Variants in SBF2 observed in about 807,000 individuals in gnomAD.
SBF2 encodes the protein myotubularin-related protein 13.
In SBF2, 112 loss-of-function variants were observed where a neutral mutation model predicts 225.2. The observed-to-expected ratio is 0.50, with a 90% CI of 0.43 to 0.58. The LOEUF (loss-of-function observed/expected upper bound fraction) is 0.58, where lower values mean the gene tolerates loss of function less well. SBF2 is among the 20% of genes least tolerant of loss of function. The pLI, the probability that SBF2 is intolerant of heterozygous loss-of-function variation, is 0.00. For missense variants in SBF2, 1,996 were observed against 2,206.2 expected (o/e 0.90, Z 1.91); for synonymous variants, 763 against 773.3 (o/e 0.99, Z 0.22).
At chr11:9,807,336 C>T (rs1365200697) in intron 32 of SBF2, among the ~76,000 whole-genome samples, 2 of 152,208 alleles carry the variant, frequency 1.3e-5, no homozygotes, top group Admixed American at 1.3e-4. Context: ...CTCCCCTACC[C>T]TCACTGCATT....
At chr11:10,125,500 A>G (rs551231455) in intron 2 of SBF2, among the ~76,000 whole-genome samples, 1 of 152,256 alleles carries the variant, frequency 6.6e-6, no homozygotes, top group South Asian at 2.1e-4. Context: ...AGTCTATAAA[A>G]CTACATAGCC....
intron 2 of SBF2, among the ~76,000 whole-genome samples, chr11:10,108,515 CTTTTTTTTTTTT>C (rs34189666): frequency 1.3e-4 from 11 of 83,464 alleles, no homozygotes; most frequent in Admixed American, 4.9e-4. Flanking sequence ...TAATAGTTAA[CTTTTTTTTTTTT>C]TTTTTTTTTT....
At chr11:10,132,798 T>G (rs1565267122) in intron 2 of SBF2, among the ~76,000 whole-genome samples, 1 of 148,990 alleles carries the variant, frequency 6.7e-6, no homozygotes, top group Non-Finnish European at 1.5e-5. Context: ...TCCTGCTGAT[T>G]GGTAGGGCCG....
chr11:10,170,694 G>A (rs1956148637), intron 2 of SBF2, among the ~76,000 whole-genome samples: 1 of 151,832 alleles, frequency 6.6e-6, no homozygotes, highest in South Asian at 2.1e-4. Flanking sequence ...GAATGTTATT[G>A]ATATTTTGAC....
chr11:10,035,077 G>A (rs1221366884), intron 3 of SBF2, among the ~76,000 whole-genome samples: 1 of 152,106 alleles, frequency 6.6e-6, no homozygotes, highest in African/African-American at 2.4e-5. Flanking sequence ...CCATTCTCCT[G>A]CCTCAGCCTC....
At chr11:10,275,285 A>C (rs1214276205) in intron 1 of SBF2, among the ~76,000 whole-genome samples, 1 of 152,182 alleles carries the variant, frequency 6.6e-6, no homozygotes, top group Non-Finnish European at 1.5e-5. Context: ...ACTTTTCCCA[A>C]GGTGTTACCC....
At chr11:10,071,227 T>C (rs1443605123) in intron 2 of SBF2, among the ~76,000 whole-genome samples, 2 of 151,828 alleles carry the variant, frequency 1.3e-5, no homozygotes, top group Non-Finnish European at 2.9e-5. Context: ...GAGGGCATCC[T>C]TGTCTTGTGC....
intron 1 of SBF2, among the ~76,000 whole-genome samples, chr11:10,251,646 A>G (rs1203985955): frequency 6.6e-6 from 1 of 152,170 alleles, no homozygotes; most frequent in Non-Finnish European, 1.5e-5. Context: ...AGCACACTCC[A>G]AACTCCTGGC....
chr11:10,102,935 A>G (rs981095140), intron 2 of SBF2, among the ~76,000 whole-genome samples: 1 of 152,212 alleles, frequency 6.6e-6, no homozygotes, highest in African/African-American at 2.4e-5. Context: ...ATGCACTAAT[A>G]AAAACATAAA....
chr11:10,225,027 T>C lies in SBF2; in HGVS notation c.56-31040A>G, dbSNP rs190277876. 3.8e-3 allele frequency among the ~76,000 whole-genome samples: 580 copies of C among 152,282 alleles called. 4 individuals carry two copies. The highest frequency in any genetic ancestry group is 5.4e-3 in the South Asian group (26 of 4,828). On this transcript the variant is annotated intron_variant, in intron 1 of 39. Transcript: ENST00000256190. ...AAATAGTGTTTCATTTTAAATAGGT[T>C]TGCCATCTTGGAGATAGAGGGGTAT...
In SBF2 at chr11:9,873,281, T is replaced by C. The variant is rs191431640; in HGVS notation, c.1930-14885A>G. Among the ~76,000 whole-genome samples the C allele has an allele frequency of 2.6e-3, 389 of 150,754 alleles. 3 individuals are homozygous for C. The highest frequency in any genetic ancestry group is 9.1e-3 in the African/African-American group (371 of 40,980). Reference sequence around the variant, plus strand: ...TTTGTCACAAAGGTTTAAAGTGATATGGATTAGTACAGCATAAAAATATTG... The same window carrying C: ...TTTGTCACAAAGGTTTAAAGTGATACGGATTAGTACAGCATAAAAATATTG... On this transcript the variant is annotated intron_variant, in intron 17 of 39. Transcript: ENST00000256190.
intron 2 of SBF2, among the ~76,000 whole-genome samples, chr11:10,099,441 CT>C (rs1351497426): frequency 6.6e-6 from 1 of 152,114 alleles, no homozygotes; most frequent in Admixed American, 6.6e-5. Flanking sequence ...GTAAACCTGC[CT>C]TACAAGAAAT....
chr11:10,283,214 G>A (rs1963525585), intron 1 of SBF2, among the ~76,000 whole-genome samples: 1 of 152,054 alleles, frequency 6.6e-6, no homozygotes, highest in Non-Finnish European at 1.5e-5. Context: ...TTTGTATCTA[G>A]CCTAGCACTT....
chr11:10,094,043 A>G (rs1412586483), intron 2 of SBF2, among the ~76,000 whole-genome samples: 1 of 152,208 alleles, frequency 6.6e-6, no homozygotes, highest in Non-Finnish European at 1.5e-5. Flanking sequence ...AAATATATTA[A>G]CTTTTGGCCG....
chr11:10,020,691 T>G (rs764098430), intron 6 of SBF2, among the ~76,000 whole-genome samples: 9 of 152,148 alleles, frequency 5.9e-5, no homozygotes, highest in Non-Finnish European at 1.2e-4. Context: ...TCACTGCCAG[T>G]AACATTATCA....
chr11:10,199,508 TA>T (rs1957499617), intron 1 of SBF2, among the ~76,000 whole-genome samples: 3 of 147,226 alleles, frequency 2.0e-5, no homozygotes, highest in Non-Finnish European at 4.5e-5. Flanking sequence ...TTCAATTTGT[TA>T]AAACAAACAA....
intron 16 of SBF2, among the ~76,000 whole-genome samples, chr11:9,900,838 GCGA>G (rs1438539235): frequency 1.6e-4 from 25 of 152,152 alleles, no homozygotes; most frequent in Non-Finnish European, 2.9e-5. Flanking sequence ...CTGGGCTCAA[GCGA>G]TCCTCCTGCC....
At chr11:9,800,881 T>C (rs1262303758) in intron 32 of SBF2, among the ~76,000 whole-genome samples, 2 of 152,126 alleles carry the variant, frequency 1.3e-5, no homozygotes, top group Non-Finnish European at 2.9e-5. Flanking sequence ...TGTAGTGACG[T>C]CATCTTTCTC....
At chr11:9,818,948 C>T (rs1219848615) in intron 28 of SBF2, among the ~76,000 whole-genome samples, 2 of 151,978 alleles carry the variant, frequency 1.3e-5, no homozygotes, top group Non-Finnish European at 2.9e-5. Flanking sequence ...TCTTGAACTC[C>T]CGACCTCAGG....
Sources: gnomAD v4.1 joint callset for allele counts (sites outside exome capture counted in the v4.1 genomes callset) on GRCh38, gnomAD v4.1.1 for gene constraint, MANE v1.5 for transcripts, NCBI Gene and HGNC (gene_info 2026-07-23, HGNC 2026-07-21) for gene names.